ARHGEF26: variants seen among roughly 807,000 people sequenced by gnomAD.
The protein encoded by ARHGEF26 is Rho guanine nucleotide exchange factor 26.
Under a neutral mutation model 89.4 loss-of-function variants are expected in ARHGEF26, and 59 were observed. The ratio of observed to expected loss-of-function variants is 0.66; its 90% CI spans 0.54 to 0.82. The LOEUF (loss-of-function observed/expected upper bound fraction) is 0.82, where lower values mean the gene tolerates loss of function less well. Among genes scored for constraint, ARHGEF26 ranks in the 40% least tolerant of loss-of-function variants. ARHGEF26 has a pLI of 0.00. For synonymous variants in ARHGEF26, 500 were observed against 428.4 expected, an observed-to-expected ratio of 1.17 and a Z score of -2.06; for missense variants, 1,234 against 1,085.6, an observed-to-expected ratio of 1.14 and a Z score of -1.92.
intron 10 of ARHGEF26, among the ~76,000 whole-genome samples, chr3:154,223,368 A>C (rs1226248899): frequency 6.6e-6 from 1 of 152,214 alleles, no homozygotes; most frequent in Non-Finnish European, 1.5e-5. Context: ...TACCCAAGAG[A>C]ACTGAAAAGA....
intron 9 of ARHGEF26, among the ~76,000 whole-genome samples, chr3:154,205,660 G>A (rs777887443): frequency 9.9e-5 from 15 of 151,354 alleles, no homozygotes; most frequent in Non-Finnish European, 1.3e-4. Context: ...TTTATTTTTT[G>A]TGTTTAAGGT....
intron 6 of ARHGEF26, among the ~76,000 whole-genome samples, chr3:154,186,736 T>G (rs2108174894): frequency 6.6e-6 from 1 of 151,850 alleles, no homozygotes; most frequent in East Asian, 1.9e-4. Context: ...CACTCCAGCC[T>G]GGGTGACAGA....
intron 6 of ARHGEF26, among the ~76,000 whole-genome samples, chr3:154,170,175 G>T (rs1177503929): frequency 6.6e-6 from 1 of 151,888 alleles, no homozygotes; most frequent in Admixed American, 6.6e-5. Context: ...CAGCCTGGGC[G>T]ACAGAGTGAA....
intron 10 of ARHGEF26, among the ~76,000 whole-genome samples, chr3:154,221,568 CATCT>C (rs1716133398): frequency 6.6e-6 from 1 of 152,108 alleles, no homozygotes; most frequent in Admixed American, 6.6e-5. Context: ...TGAGGAAAAA[CATCT>C]AAATATCTAT....
chr3:154,193,181 C>T (rs772105168), intron 8 of ARHGEF26, among the ~76,000 whole-genome samples: 7 of 152,092 alleles, frequency 4.6e-5, no homozygotes, highest in Non-Finnish European at 7.4e-5. Flanking sequence ...GGACATAAAC[C>T]AGTATTTTTC....
chr3:154,177,324 C>T (rs921676484), intron 6 of ARHGEF26, among the ~76,000 whole-genome samples: 5 of 152,270 alleles, frequency 3.3e-5, no homozygotes, highest in East Asian at 1.9e-4. Flanking sequence ...TGGACCTCTC[C>T]GAAAGCCTTG....
intron 9 of ARHGEF26, among the ~76,000 whole-genome samples, chr3:154,217,408 T>G (rs1224395176): frequency 2.6e-5 from 4 of 152,144 alleles, no homozygotes; most frequent in African/African-American, 7.2e-5. Flanking sequence ...TAAATTTGTT[T>G]GAGTTCATTG....
chr3:154,154,455 A>G (rs997723504), intron 6 of ARHGEF26, among the ~76,000 whole-genome samples: 2 of 152,090 alleles, frequency 1.3e-5, no homozygotes, highest in African/African-American at 4.8e-5. Context: ...CAAATTTATC[A>G]AAGTATATAT....
At chr3:154,231,589 G>GT (rs112718831) in intron 11 of ARHGEF26, among the ~76,000 whole-genome samples, 152,253 of 152,298 alleles carry the variant, frequency 1, 76,104 homozygotes, top group Middle Eastern at 1. Flanking sequence ...TTGGTATTGT[G>GT]TTCTCTCTCT....
intron 13 of ARHGEF26, among the ~76,000 whole-genome samples, chr3:154,253,627 T>C (rs1442483617): frequency 5.9e-5 from 9 of 152,180 alleles, no homozygotes; most frequent in African/African-American, 2.2e-4. Context: ...GTATTTTTAA[T>C]CTAAAAGAAA....
At chr3:154,252,414 CAAAAT>C (rs1183078387) in intron 12 of ARHGEF26, among the ~76,000 whole-genome samples, 1 of 152,010 alleles carries the variant, frequency 6.6e-6, no homozygotes, top group African/African-American at 2.4e-5. Context: ...ACTTGGTGCT[CAAAAT>C]AAAAAACCAG....
chr3:154,152,764 C>CTT lies in ARHGEF26; in HGVS notation c.1327-7_1327-6dup. ...ATTAATAATACATTTCTTTTTCCTT[C>CTT]TTACCAGGCTATCTTTGAAGTCATA... On this transcript the variant is annotated splice_polypyrimidine_tract_variant and splice_region_variant and intron_variant, in intron 5 of 14. Coordinates refer to ENST00000465093, the MANE Select transcript of ARHGEF26 (RefSeq NM_015595.4). The CTT allele has an allele frequency of 1.4e-6, 2 of 1,455,804 alleles. No homozygotes were observed. The highest frequency in any genetic ancestry group is 1.8e-6 in the Non-Finnish European group (2 of 1,102,380). 90.2% of individuals were successfully genotyped at this position (1,455,804 alleles called of 1,614,324 possible). A position where few individuals can be genotyped will look rare whatever the true frequency, so the allele number is the denominator to read the frequency against.
At chr3:154,244,349 G>T (rs1208109377) in intron 12 of ARHGEF26, among the ~76,000 whole-genome samples, 1 of 152,146 alleles carries the variant, frequency 6.6e-6, no homozygotes, top group African/African-American at 2.4e-5. Context: ...CAATGGCTTT[G>T]ATTACGTAAA....
At chr3:154,162,336 CA>C (rs1451023978) in intron 6 of ARHGEF26, among the ~76,000 whole-genome samples, 2 of 152,166 alleles carry the variant, frequency 1.3e-5, no homozygotes, top group Non-Finnish European at 1.5e-5. Flanking sequence ...AATTAAGTTT[CA>C]AAAGCAGACT....
At chr3:154,207,528 C>T (rs1222136670) in intron 9 of ARHGEF26, among the ~76,000 whole-genome samples, 1 of 151,968 alleles carries the variant, frequency 6.6e-6, no homozygotes, top group African/African-American at 2.4e-5. Context: ...TAGAGAAATG[C>T]AAATCAAAAC....
chr3:154,127,061 A>C lies in ARHGEF26; in HGVS notation c.1124-2513A>C, dbSNP rs78153540. Among the ~76,000 whole-genome samples, 20 of 152,336 alleles carry C rather than the reference A, an allele frequency of 1.3e-4. No homozygotes were observed. In the East Asian group the frequency reaches 2.1e-3, roughly 16 times the overall value. On this transcript the variant is annotated intron_variant, in intron 3 of 14. Transcript: ENST00000465093. ...CTCTTCTATAGGACTCTTACCGTGA[A>C]TGGAGCTTGCAGTACTGAAAGTTGC...
At position 154,229,142 on chromosome 3, in the gene ARHGEF26, A is replaced by G. The variant is rs545567273; in HGVS notation, c.2090+3132A>G. On this transcript the variant is annotated intron_variant, in intron 11 of 14. Transcript: ENST00000465093. ...AGCTGGCTTGATGAGTGGCCATGACACTGTCTTTGTGACAGGAATTTTCAC... is the reference window on the plus strand; with the variant it reads ...AGCTGGCTTGATGAGTGGCCATGACGCTGTCTTTGTGACAGGAATTTTCAC... Among the ~76,000 whole-genome samples the G allele has an allele frequency of 2.0e-4, 30 of 152,304 alleles. No homozygotes were observed. In the South Asian group the frequency reaches 4.1e-3, roughly 21 times the overall value.
chr3:154,164,139 T>A lies in ARHGEF26; in HGVS notation c.1487+11207T>A, dbSNP rs192517816. 6.7e-3 allele frequency among the ~76,000 whole-genome samples: 1,017 copies of A among 152,242 alleles called. 13 individuals are homozygous for A. Among genetic ancestry groups the A allele is most frequent in the African/African-American group, 0.023 (948 of 41,566 alleles). On this transcript the variant is annotated intron_variant, in intron 6 of 14. Transcript: ENST00000465093. ...AAGTCTTTTTTTAGGACTTAAAGAA[T>A]TTCTTATATCTTAGGTGCTGATATA...
intron 6 of ARHGEF26, among the ~76,000 whole-genome samples, chr3:154,184,834 A>G (rs1375079560): frequency 1.3e-5 from 2 of 152,176 alleles, no homozygotes; most frequent in Non-Finnish European, 2.9e-5. Context: ...CTACAGATTA[A>G]TTGTAAACTT....
Sources: allele counts gnomAD v4.1 joint callset (sites outside exome capture counted in the v4.1 genomes callset), GRCh38; gene constraint gnomAD v4.1.1; transcripts MANE v1.5; gene names NCBI Gene and HGNC (gene_info 2026-07-23, HGNC 2026-07-21).